TGM7: variants seen among roughly 807,000 people sequenced by gnomAD.
The protein encoded by TGM7 is protein-glutamine gamma-glutamyltransferase Z.
TGM7 carries 74 observed loss-of-function variants against 79.5 expected under a neutral mutation model. The ratio of observed to expected loss-of-function variants is 0.93; its 90% CI spans 0.77 to 1.13. TGM7 has a LOEUF of 1.13. TGM7 is among the 50% of genes most tolerant of loss of function. The pLI, the probability that TGM7 is intolerant of heterozygous loss-of-function variation, is 0.00. For synonymous variants in TGM7, 354 were observed against 362.5 expected, an observed-to-expected ratio of 0.98 and a Z score of 0.27; for missense variants, 912 against 905.9, an observed-to-expected ratio of 1.01 and a Z score of -0.09.
At chr15:43,288,405 C>A (rs186613948) in intron 4 of TGM7, among the ~76,000 whole-genome samples, 48 of 152,230 alleles carry the variant, frequency 3.2e-4, no homozygotes, top group African/African-American at 1.2e-3. Context: ...AGAAACTACG[C>A]CTGCGGGGGT....
At chr15:43,284,050 T>C (rs1052723529) in intron 7 of TGM7, among the ~76,000 whole-genome samples, 1 of 152,170 alleles carries the variant, frequency 6.6e-6, no homozygotes, top group South Asian at 2.1e-4. Context: ...AATACAAAAA[T>C]TAGCCAGGTG....
chr15:43,294,903 C>CT (rs113207212), intron 1 of TGM7, among the ~76,000 whole-genome samples: 3,405 of 144,348 alleles, frequency 0.024, 83 homozygotes, highest in East Asian at 0.097. Flanking sequence ...TATCTTGATC[C>CT]TTTTTTTTTT....
intron 6 of TGM7, among the ~76,000 whole-genome samples, chr15:43,285,903 G>C (rs1043417960): frequency 2.6e-5 from 4 of 151,974 alleles, no homozygotes; most frequent in African/African-American, 9.7e-5. Context: ...GTCAAGCCAA[G>C]AGCCAGCAAG....
At position 43,302,085 on chromosome 15, in the gene TGM7, A is replaced by T. The variant is rs565553104; in HGVS notation, c.10+156T>A. 74 of 825,618 alleles carry T rather than the reference A, an allele frequency of 9.0e-5. No individual in the cohort carries two copies. In the East Asian group the frequency reaches 1.7e-3, roughly 19 times the overall value. 51.1% of individuals were successfully genotyped at this position (825,618 alleles called of 1,614,324 possible). A position where few individuals can be genotyped will look rare whatever the true frequency, so the allele number is the denominator to read the frequency against. On this transcript the variant is annotated intron_variant, in intron 1 of 12. Coordinates refer to ENST00000452443, the MANE Select transcript of TGM7 (RefSeq NM_052955.3). Reference sequence around the variant, plus strand: ...TTTGTGCCCCAAGGTCCAAATGCAGATGGAGAAGTAAGAAGAAGGAGCCGT... The same window carrying T: ...TTTGTGCCCCAAGGTCCAAATGCAGTTGGAGAAGTAAGAAGAAGGAGCCGT...
intron 1 of TGM7, among the ~76,000 whole-genome samples, chr15:43,294,343 G>A (rs982755765): frequency 1.3e-5 from 2 of 152,196 alleles, no homozygotes; most frequent in Non-Finnish European, 2.9e-5. Flanking sequence ...AACTCTCATA[G>A]CACAGTAGGC....
In TGM7 at chr15:43,281,880, G is replaced by T. The variant is rs200806029; in HGVS notation, c.1315C>A (p.Arg439Ser). The T allele has an allele frequency of 6.2e-7, 1 of 1,614,196 alleles. No individual in the cohort carries two copies. Among genetic ancestry groups the T allele is most frequent in the Non-Finnish European group, 8.5e-7 (1 of 1,180,022 alleles). Residue 439 changes from arginine (R) to serine (S), a missense_variant, in exon 9 of 13, where the codon CGC becomes AGC. By Grantham distance (110) the Arg-to-Ser change is moderately radical (BLOSUM62 -1). Coordinates refer to ENST00000452443, the MANE Select transcript of TGM7 (RefSeq NM_052955.3). ...ISTKMVGSDQ[R>S]QSITSSYKYP... ...TTGTAGGAGCTGGTGATGCTCTGGC[G>T]CTGGTCTGACCCCACCATCTTAGTG...
intron 1 of TGM7, among the ~76,000 whole-genome samples, chr15:43,296,100 A>T (rs2042990496): frequency 6.6e-6 from 1 of 152,238 alleles, no homozygotes; most frequent in Non-Finnish European, 1.5e-5. Context: ...ATGTGTAGCT[A>T]GGTCATGATA....
intron 1 of TGM7, 39 bp from the exon 2 acceptor site, chr15:43,293,670 T>G: frequency 4.7e-6 from 7 of 1,485,432 alleles, no homozygotes; most frequent in African/African-American, 1.5e-5. Flanking sequence ...CCACCTGCAG[T>G]CCCCTGGGCT....
intron 1 of TGM7, among the ~76,000 whole-genome samples, chr15:43,301,501 G>C (rs1051211733): frequency 6.6e-6 from 1 of 151,454 alleles, no homozygotes; most frequent in African/African-American, 2.4e-5. Flanking sequence ...ATGGTGGCAG[G>C]CACCTGTAAT....
chr15:43,300,816 T>C (rs1596467102), intron 1 of TGM7, among the ~76,000 whole-genome samples: 1 of 152,216 alleles, frequency 6.6e-6, no homozygotes, highest in Admixed American at 6.5e-5. Context: ...AAAATATATG[T>C]GTATATATAT....
At chr15:43,296,342 G>A (rs965105454) in intron 1 of TGM7, among the ~76,000 whole-genome samples, 5 of 150,164 alleles carry the variant, frequency 3.3e-5, no homozygotes, top group African/African-American at 7.4e-5. Context: ...GGAGAATGGC[G>A]TGAACCCGGG....
Position 43,278,662 on chromosome 15 carries a change from C to T in TGM7, c.1839+455G>A, listed in dbSNP as rs4923963. The stretch of plus-strand genomic sequence containing the variant: ...AGAGGCAAGGTCTCGCTATGTTGCC[C>T]AGACTGGTCTCGAACTCCTGGGTTC... On this transcript the variant is annotated intron_variant, in intron 11 of 12. Transcript: ENST00000452443. Among the ~76,000 whole-genome samples the T allele has an allele frequency of 3.3e-3, 503 of 152,330 alleles. 1 individual carries two copies. The highest frequency in any genetic ancestry group is 0.013 in the South Asian group (61 of 4,832).
rs376372375 is a variant in TGM7, at chr15:43,284,903, G to A, written c.915C>T (p.Ser305=). The part of the protein sequence containing the change: ...VPTRVVSNFR[S]AHNVDRNLTI... ...TCAAGTTCCTATCCACGTTGTGCGC[G>A]GAACGGAAATTGGAAACAACACGGG... Residue 305 remains serine, a synonymous_variant, in exon 7 of 13, where the codon TCC becomes TCT. Transcript: ENST00000452443. 99 of 1,613,988 alleles carry A rather than the reference G, an allele frequency of 6.1e-5. No individual in the cohort carries two copies. The highest frequency in any genetic ancestry group is 7.8e-5 in the Non-Finnish European group (92 of 1,180,018).
chr15:43,277,770 ACTAGGGGCTTGTT>A (rs1307545682), intron 11 of TGM7, among the ~76,000 whole-genome samples: 2 of 152,224 alleles, frequency 1.3e-5, no homozygotes, highest in Non-Finnish European at 2.9e-5. Flanking sequence ...CCCAGATCGT[ACTAGGGGCTTGTT>A]CTGGCTGGGC....
rs1333774681 is a variant in TGM7 at position 43,276,327 on chromosome 15, T to A, written c.*128A>T. ...CTCTTCCCAAAGCACACGGTGTTTC[T>A]AACAGAGCTTCATTCATTCCCAGGC... On this transcript the variant is annotated 3_prime_UTR_variant, in exon 13 of 13. Coordinates refer to ENST00000452443, the MANE Select transcript of TGM7 (RefSeq NM_052955.3). The A allele has an allele frequency of 8.9e-7, 1 of 1,128,652 alleles. No individual in the cohort carries two copies. The highest frequency in any genetic ancestry group is 1.6e-5 in the African/African-American group (1 of 64,266). 69.9% of individuals were successfully genotyped at this position (1,128,652 alleles called of 1,614,324 possible).
chr15:43,298,969 A>T (rs942098663), intron 1 of TGM7, among the ~76,000 whole-genome samples: 28 of 152,076 alleles, frequency 1.8e-4, no homozygotes, highest in Admixed American at 7.2e-4. Context: ...CTTGATTCCA[A>T]CAAAGAGGGC....
chr15:43,302,146 C>A (rs1251825678), intron 1 of TGM7, 95 bp downstream of exon 1: 1 of 1,447,618 alleles, frequency 6.9e-7, no homozygotes. Flanking sequence ...AATCCAGGCT[C>A]TCCTGTCGCT....
Position 43,281,997 on chromosome 15 carries a change from C to T in TGM7, c.1198G>A (p.Val400Met), listed in dbSNP as rs1324622693. The T allele has an allele frequency of 5.0e-6, 8 of 1,614,214 alleles. No homozygotes were observed. Among genetic ancestry groups the T allele is most frequent in the Non-Finnish European group, 5.9e-6 (7 of 1,180,036 alleles). ...AGCCAAATGACTTCATCGGCGTTCA[C>T]CTCGGCATACACAAAAGGGGTGTCA... The part of the protein sequence containing the change: ...AYDTPFVYAE[V>M]NADEVIWLLG... Residue 400 changes from valine to methionine, a missense_variant, in exon 9 of 13, where the codon GTG becomes ATG. Val to Met is a conservative substitution (Grantham distance 21, BLOSUM62 1). Transcript: ENST00000452443.
At chr15:43,296,452 G>T (rs2042993145) in intron 1 of TGM7, among the ~76,000 whole-genome samples, 1 of 147,736 alleles carries the variant, frequency 6.8e-6, no homozygotes, top group African/African-American at 2.5e-5. Context: ...AAAAGTCAGA[G>T]AGCAGCTGGC....
Sources: allele counts gnomAD v4.1 joint callset (sites outside exome capture counted in the v4.1 genomes callset), GRCh38; gene constraint gnomAD v4.1.1; transcripts MANE v1.5; gene names NCBI Gene and HGNC (gene_info 2026-07-23, HGNC 2026-07-21).